Variants in CAMKMT observed in about 807,000 individuals in gnomAD.
CAMKMT encodes the protein CaM KMT.
A neutral mutation model predicts 48.0 loss-of-function variants in CAMKMT; 53 were observed. The ratio of observed to expected loss-of-function variants is 1.10; its 90% CI spans 0.89 to 1.39. The LOEUF is 1.39. Ranked by LOEUF, CAMKMT falls within the 40% of genes most tolerant of loss-of-function variation. CAMKMT has a pLI of 0.00. For missense variants in CAMKMT, 428 were observed against 402.7 expected (o/e 1.06, Z -0.54); for synonymous variants, 165 against 152.3 (o/e 1.08, Z -0.61).
intron 6 of CAMKMT, among the ~76,000 whole-genome samples, chr2:44,708,579 A>T (rs186002009): frequency 1.3e-5 from 2 of 152,138 alleles, no homozygotes; most frequent in East Asian, 3.9e-4. Flanking sequence ...AGGGAAGGAG[A>T]TCACAAAAGG....
intron 7 of CAMKMT, among the ~76,000 whole-genome samples, chr2:44,731,301 A>G (rs1362393695): frequency 6.6e-6 from 1 of 152,204 alleles, no homozygotes; most frequent in African/African-American, 2.4e-5. Flanking sequence ...AGATTGCGCC[A>G]CTGCACTCCA....
intron 3 of CAMKMT, among the ~76,000 whole-genome samples, chr2:44,650,860 A>C (rs1674018507): frequency 6.6e-6 from 1 of 152,200 alleles, no homozygotes; most frequent in African/African-American, 2.4e-5. Flanking sequence ...AGAAAAAAAA[A>C]AAACAGTGGG....
At chr2:44,463,520 G>A (rs1209004796) in intron 3 of CAMKMT, among the ~76,000 whole-genome samples, 1 of 152,120 alleles carries the variant, frequency 6.6e-6, no homozygotes, top group East Asian at 1.9e-4. Flanking sequence ...GCTTTTTAGG[G>A]GGTGAAAAAG....
chr2:44,402,055 G>T (rs930604886), intron 3 of CAMKMT, among the ~76,000 whole-genome samples: 7 of 152,094 alleles, frequency 4.6e-5, no homozygotes, highest in African/African-American at 1.7e-4. Context: ...GGCCGGGCGC[G>T]GTGGCTCACG....
At chr2:44,452,944 G>A (rs1391895432) in intron 3 of CAMKMT, among the ~76,000 whole-genome samples, 1 of 151,960 alleles carries the variant, frequency 6.6e-6, no homozygotes, top group Non-Finnish European at 1.5e-5. Context: ...TTTTATAGTT[G>A]TTCACAATAT....
At position 44,467,435 on chromosome 2, in the gene CAMKMT, G is replaced by C. The variant is rs2104639061; in HGVS notation, c.376+77130G>C. ...TAATCCCAGCTGCTAGGGAGGATGA[G>C]ACAGGAGAATCCCTTGAACATGGGA... On this transcript the variant is annotated intron_variant, in intron 3 of 10. Coordinates refer to ENST00000378494, the MANE Select transcript of CAMKMT (RefSeq NM_024766.5). Among the ~76,000 whole-genome samples the C allele has an allele frequency of 1.3e-5, 2 of 152,144 alleles. 1 individual carries two copies. Among genetic ancestry groups the C allele is most frequent in the East Asian group, 3.9e-4 (2 of 5,172 alleles).
chr2:44,402,937 T>C (rs1033798565), intron 3 of CAMKMT, among the ~76,000 whole-genome samples: 1 of 146,700 alleles, frequency 6.8e-6, no homozygotes, highest in South Asian at 2.1e-4. Context: ...TTTTTTTTTT[T>C]CTGTCTTTAT....
At chr2:44,647,170 G>A (rs1054512860) in intron 3 of CAMKMT, among the ~76,000 whole-genome samples, 34 of 152,132 alleles carry the variant, frequency 2.2e-4, no homozygotes, top group Non-Finnish European at 7.3e-5. Flanking sequence ...AGTCTCCCCA[G>A]TGGCAGCAAT....
At chr2:44,616,815 G>T (rs938168108) in intron 3 of CAMKMT, among the ~76,000 whole-genome samples, 3 of 152,162 alleles carry the variant, frequency 2.0e-5, no homozygotes, top group Non-Finnish European at 4.4e-5. Flanking sequence ...AGGAGAAAAC[G>T]AAAGCAGAAA....
chr2:44,606,808 A>C (rs1449362355), intron 3 of CAMKMT, among the ~76,000 whole-genome samples: 32 of 138,488 alleles, frequency 2.3e-4, no homozygotes, highest in African/African-American at 5.0e-4. Context: ...TCTTAATGTG[A>C]CCCCCCCCCC....
chr2:44,706,103 A>T (rs1273729363), intron 4 of CAMKMT, among the ~76,000 whole-genome samples, 184 bp from the exon 5 acceptor site: 1 of 152,102 alleles, frequency 6.6e-6, no homozygotes, highest in African/African-American at 2.4e-5. Context: ...CTGCTTTGTG[A>T]CTTTTCTATT....
intron 2 of CAMKMT, among the ~76,000 whole-genome samples, chr2:44,386,354 T>G (rs1085482): frequency 0.82 from 124,419 of 151,958 alleles, 51,942 homozygotes; most frequent in African/African-American, 0.9. Flanking sequence ...AGTGGTGTCA[T>G]TTGCAGTATC....
At chr2:44,522,596 T>G (rs1345023179) in intron 3 of CAMKMT, among the ~76,000 whole-genome samples, 1 of 152,216 alleles carries the variant, frequency 6.6e-6, no homozygotes, top group Non-Finnish European at 1.5e-5. Context: ...CCTTAAATCA[T>G]TCTGGGGTCA....
chr2:44,544,173 T>A (rs935841764), intron 3 of CAMKMT, among the ~76,000 whole-genome samples: 1 of 152,064 alleles, frequency 6.6e-6, no homozygotes, highest in Non-Finnish European at 1.5e-5. Flanking sequence ...ATCCCATGTT[T>A]ATACCTAAAA....
intron 7 of CAMKMT, among the ~76,000 whole-genome samples, chr2:44,742,342 C>G (rs1416049878): frequency 3.3e-5 from 5 of 152,180 alleles, no homozygotes; most frequent in Non-Finnish European, 7.3e-5. Flanking sequence ...ATTTGTAAAG[C>G]TTATCTGGGT....
At chr2:44,698,057 G>A (rs1311354151) in intron 3 of CAMKMT, among the ~76,000 whole-genome samples, 3 of 152,116 alleles carry the variant, frequency 2.0e-5, no homozygotes, top group Non-Finnish European at 2.9e-5. Context: ...CTTTTTGAAA[G>A]GCAATTTTAT....
At chr2:44,598,306 C>T (rs938325498) in intron 3 of CAMKMT, among the ~76,000 whole-genome samples, 23 of 151,998 alleles carry the variant, frequency 1.5e-4, no homozygotes, top group Non-Finnish European at 7.4e-5. Flanking sequence ...GAACCTCTGC[C>T]TTCCTTCTGT....
At chr2:44,620,890 A>G (rs545662212) in intron 3 of CAMKMT, among the ~76,000 whole-genome samples, 31 of 152,312 alleles carry the variant, frequency 2.0e-4, no homozygotes, top group African/African-American at 7.5e-4. Flanking sequence ...CAGTTTTCTC[A>G]TCTGTAAAAT....
chr2:44,440,716 A>G (rs145193815), intron 3 of CAMKMT, among the ~76,000 whole-genome samples: 150 of 152,332 alleles, frequency 9.8e-4, no homozygotes, highest in Non-Finnish European at 1.6e-3. Context: ...AAGATGTATT[A>G]AGACAGTGCT....
Sources: allele counts gnomAD v4.1 joint callset (sites outside exome capture counted in the v4.1 genomes callset), GRCh38; gene constraint gnomAD v4.1.1; transcripts MANE v1.5; gene names NCBI Gene and HGNC (gene_info 2026-07-23, HGNC 2026-07-21).